PPHLN1: variants seen among roughly 807,000 people sequenced by gnomAD.
PPHLN1 encodes periphilin-1.
In PPHLN1, 29 loss-of-function variants were observed where a neutral mutation model predicts 51.3. That is an observed-to-expected ratio of 0.57 (90% CI 0.42 to 0.77). PPHLN1 has a LOEUF of 0.77. Ranked by LOEUF, PPHLN1 falls within the 30% of genes least tolerant of loss-of-function variation. The pLI, the probability that PPHLN1 is intolerant of heterozygous loss-of-function variation, is 0.00. For synonymous variants in PPHLN1, 147 were observed against 147.8 expected (o/e 0.99, Z 0.04); for missense variants, 436 against 438.4 (o/e 0.99, Z 0.05).
At chr12:42,336,215 T>C (rs1039779253) in intron 2 of PPHLN1, among the ~76,000 whole-genome samples, 2 of 152,246 alleles carry the variant, frequency 1.3e-5, no homozygotes, top group Non-Finnish European at 2.9e-5. Context: ...AGGGTTTATA[T>C]TGAATTTAAT....
chr12:42,365,212 ACTTATT>A (rs2075140285), intron 4 of PPHLN1, among the ~76,000 whole-genome samples: 2 of 152,212 alleles, frequency 1.3e-5, no homozygotes, highest in South Asian at 4.1e-4. Flanking sequence ...GTTGTACTTC[ACTTATT>A]CTTAAGCTTG....
intron 6 of PPHLN1, 139 bp from the exon 7 acceptor site, chr12:42,387,316 AC>A (rs2077273209): frequency 1.2e-6 from 1 of 849,830 alleles, no homozygotes; most frequent in Non-Finnish European, 1.7e-6. Context: ...TTAGATATTA[AC>A]CTATTTAATG....
downstream of PPHLN1, chr12:42,443,044 C>T (rs1335436059): frequency 7.0e-6 from 2 of 285,854 alleles, no homozygotes; most frequent in Non-Finnish European, 1.3e-5. Context: ...AAATCTTTAA[C>T]GTTATGGGCC....
At chr12:42,401,207 CT>C (rs1286599767) in intron 9 of PPHLN1, among the ~76,000 whole-genome samples, 3 of 152,000 alleles carry the variant, frequency 2.0e-5, no homozygotes, top group African/African-American at 7.2e-5. Flanking sequence ...AGGGATGTGC[CT>C]GAAAATATTT....
intron 1 of PPHLN1, among the ~76,000 whole-genome samples, 166 bp from the exon 2 acceptor site, chr12:42,335,717 T>G (rs2070518807): frequency 6.7e-6 from 1 of 149,140 alleles, no homozygotes; most frequent in Non-Finnish European, 1.5e-5. Context: ...AAAGAAAATC[T>G]CAAAATTGTT....
chr12:42,329,259 C>G (rs1041255180), intron 1 of PPHLN1, among the ~76,000 whole-genome samples: 1 of 151,786 alleles, frequency 6.6e-6, no homozygotes, highest in Admixed American at 6.6e-5. Context: ...CCACCACCGC[C>G]CCCGGCTAAT....
chr12:42,330,298 T>TA (rs2137656917), intron 1 of PPHLN1, among the ~76,000 whole-genome samples: 1 of 152,302 alleles, frequency 6.6e-6, no homozygotes, highest in South Asian at 2.1e-4. Context: ...GCCTTCCTCT[T>TA]ACCTCAACCG....
At chr12:42,399,362 T>C (rs2078580331) in intron 9 of PPHLN1, 3 of 864,004 alleles carry the variant, frequency 3.5e-6, no homozygotes, top group African/African-American at 1.8e-5. Flanking sequence ...CTTATGTTTT[T>C]TCATTATACT....
At chr12:42,428,523 C>G (rs190046536) in intron 9 of PPHLN1, among the ~76,000 whole-genome samples, 2 of 152,232 alleles carry the variant, frequency 1.3e-5, no homozygotes, top group Admixed American at 1.3e-4. Context: ...GAATGGAAAT[C>G]CAAACATCGT....
At position 42,398,934 on chromosome 12, in the gene PPHLN1, A is replaced by C. The variant is rs780163500; in HGVS notation, c.849A>C (p.Glu283Asp). 6.2e-7 allele frequency: 1 copy of C among 1,614,172 alleles called. No homozygotes were observed. Among genetic ancestry groups the C allele is most frequent in the East Asian group, 2.2e-5 (1 of 44,876 alleles). Residue 283 changes from glutamate to aspartate, a missense_variant, in exon 9 of 10, where the codon GAA becomes GAC. Glu to Asp is a conservative substitution (Grantham distance 45). Coordinates refer to ENST00000358314, the MANE Select transcript of PPHLN1 (RefSeq NM_201439.2). ...CAACACATGGGATAGAATTATTTGA[A>C]GATAGTCAGCTAACCACTCGCTCTA... Reference protein sequence around the residue: ...SNTTHGIELFEDSQLTTRSKA... With the variant: ...SNTTHGIELFDDSQLTTRSKA...
chr12:42,424,413 C>T (rs938590092), intron 9 of PPHLN1, among the ~76,000 whole-genome samples: 6 of 152,174 alleles, frequency 3.9e-5, no homozygotes, highest in African/African-American at 1.4e-4. Context: ...CTTTCCCCAC[C>T]TTCCTGCCAT....
intron 9 of PPHLN1, among the ~76,000 whole-genome samples, chr12:42,430,464 A>G (rs571110247): frequency 6.6e-6 from 1 of 152,264 alleles, no homozygotes; most frequent in Non-Finnish European, 1.5e-5. Context: ...TTTGTATGCT[A>G]TACATATTAC....
intron 4 of PPHLN1, among the ~76,000 whole-genome samples, chr12:42,371,398 A>G (rs1425483570): frequency 6.6e-6 from 1 of 152,142 alleles, no homozygotes; most frequent in Non-Finnish European, 1.5e-5. Flanking sequence ...GATTGTAAGC[A>G]TGAGCCACTG....
chr12:42,343,984 C>G (rs1453518919), intron 2 of PPHLN1: 3 of 352,770 alleles, frequency 8.5e-6, no homozygotes, highest in Non-Finnish European at 1.6e-5. Flanking sequence ...AAATTACAAG[C>G]TTATGAAAGC....
At chr12:42,373,807 G>C (rs1214689302) in intron 4 of PPHLN1, among the ~76,000 whole-genome samples, 1 of 152,146 alleles carries the variant, frequency 6.6e-6, no homozygotes, top group Non-Finnish European at 1.5e-5. Flanking sequence ...TAAAAGTAGA[G>C]GTGATTTATA....
chr12:42,337,777 T>TTTTATTTTATTTTATTTTA (rs759818493), intron 2 of PPHLN1, among the ~76,000 whole-genome samples: 14,672 of 139,510 alleles, frequency 0.11, 840 homozygotes, highest in Middle Eastern at 0.15. Flanking sequence ...TTTTATTTTA[T>TTTTATTTTATTTTATTTTA]TTTATTTATT....
chr12:42,421,579 C>G (rs557932640), intron 9 of PPHLN1, among the ~76,000 whole-genome samples: 1 of 152,212 alleles, frequency 6.6e-6, no homozygotes, highest in South Asian at 2.1e-4. Context: ...AACTCCTGAC[C>G]TTAGGCGATC....
At chr12:42,442,525 T>C (rs2083048381), downstream of PPHLN1, 13 of 1,409,340 alleles carry the variant, frequency 9.2e-6, no homozygotes, top group Non-Finnish European at 9.6e-6. Context: ...TACAAGCGGC[T>C]CCAGCTTATC....
chr12:42,350,676 T>C (rs1348211624), intron 2 of PPHLN1, among the ~76,000 whole-genome samples: 1 of 152,080 alleles, frequency 6.6e-6, no homozygotes, highest in Non-Finnish European at 1.5e-5. Context: ...CTGGGCAACA[T>C]TGAGCATTGA....
Sources: allele counts gnomAD v4.1 joint callset (sites outside exome capture counted in the v4.1 genomes callset), GRCh38; gene constraint gnomAD v4.1.1; transcripts MANE v1.5; gene names NCBI Gene and HGNC (gene_info 2026-07-23, HGNC 2026-07-21).